Variants in MCF2L2 observed in about 807,000 individuals in gnomAD.
MCF2L2 encodes probable guanine nucleotide exchange factor MCF2L2.
In MCF2L2, 102 loss-of-function variants were observed where a neutral mutation model predicts 150.2. The ratio of observed to expected loss-of-function variants is 0.68; its 90% CI spans 0.58 to 0.80. The LOEUF is 0.80. Ranked by LOEUF, MCF2L2 falls within the 30% of genes least tolerant of loss-of-function variation. The pLI is 0.00. For synonymous variants in MCF2L2, 465 were observed against 491.3 expected, an observed-to-expected ratio of 0.95 and a Z score of 0.71; for missense variants, 1,256 against 1,372.8, an observed-to-expected ratio of 0.91 and a Z score of 1.34.
At chr3:183,319,829 G>T (rs770483840) in intron 6 of MCF2L2, among the ~76,000 whole-genome samples, 5 of 152,174 alleles carry the variant, frequency 3.3e-5, no homozygotes, top group Non-Finnish European at 5.9e-5. Context: ...AGGCTCTGTT[G>T]TTCTATTTCT....
intron 20 of MCF2L2, among the ~76,000 whole-genome samples, chr3:183,220,185 T>C (rs1463648599): frequency 6.6e-6 from 1 of 152,262 alleles, no homozygotes; most frequent in African/African-American, 2.4e-5. Flanking sequence ...TCCCATGATA[T>C]TATGTTTTTC....
rs1721374449 is a variant in MCF2L2, at chr3:183,178,104, A to C, written c.*1276T>G. 1 of 152,222 alleles carries C rather than the reference A, an allele frequency of 6.6e-6. No homozygotes were observed. The allele number at this position is 152,222 out of a possible 1,614,324, so 9.4% of individuals were successfully genotyped here. A position where few individuals can be genotyped will look rare whatever the true frequency, so the allele number is the denominator to read the frequency against. ...TTACTGTAAAAATAAATAACTCAAA[A>C]ACTCCAATAAGATAAAGTGAAATAA... On this transcript the variant is annotated 3_prime_UTR_variant, in exon 30 of 30. Coordinates refer to ENST00000328913, the MANE Select transcript of MCF2L2 (RefSeq NM_015078.4).
intron 1 of MCF2L2, among the ~76,000 whole-genome samples, chr3:183,412,145 A>T (rs898917925): frequency 2.0e-5 from 3 of 152,232 alleles, no homozygotes; most frequent in Admixed American, 1.3e-4. Context: ...CAAGCAAATA[A>T]GAAGCAATCA....
At chr3:183,257,764 CTTA>C (rs140801807) in intron 15 of MCF2L2, among the ~76,000 whole-genome samples, 2,913 of 152,208 alleles carry the variant, frequency 0.019, 86 homozygotes, top group African/African-American at 0.067. Context: ...CCTGGTTTTT[CTTA>C]TTATTATTCA....
At chr3:183,342,201 G>T (rs1307503013) in intron 3 of MCF2L2, among the ~76,000 whole-genome samples, 2 of 152,154 alleles carry the variant, frequency 1.3e-5, no homozygotes, top group Non-Finnish European at 2.9e-5. Flanking sequence ...CCCCTCTCAA[G>T]TCCTCACGAA....
At position 183,206,126 on chromosome 3, in the gene MCF2L2, A is replaced by T; in HGVS notation, c.2801T>A (p.Leu934Gln). The T allele has an allele frequency of 6.2e-7, 1 of 1,613,986 alleles. No individual in the cohort carries two copies. Among genetic ancestry groups the T allele is most frequent in the Non-Finnish European group, 8.5e-7 (1 of 1,179,820 alleles). ...TGGGGAAGGCATGAGCGTTACCTGCAGGATGTATTTCTCAAGTCCATTTCG... is the reference window on the plus strand; with the variant it reads ...TGGGGAAGGCATGAGCGTTACCTGCTGGATGTATTTCTCAAGTCCATTTCG... The part of the protein sequence containing the change: ...ASRNGLEKYI[L>Q]QAASKEIRDC... The change falls in exon 24 of 30, where the codon CTG (leucine) becomes CAG (glutamine). Residue 934 changes from leucine to glutamine, a missense_variant. Transcript: ENST00000328913.
At chr3:183,427,881 A>G in intron 1 of MCF2L2, 21 bp downstream of exon 1, 1 of 1,611,058 alleles carries the variant, frequency 6.2e-7, no homozygotes, top group East Asian at 2.2e-5. Context: ...AAAACGCAGG[A>G]AAAATTAAAG....
chr3:183,255,078 T>C (rs536597716), intron 15 of MCF2L2, among the ~76,000 whole-genome samples: 1 of 152,328 alleles, frequency 6.6e-6, no homozygotes, highest in African/African-American at 2.4e-5. Flanking sequence ...CTCATATTTA[T>C]GGTAATTATC....
chr3:183,322,750 G>A (rs565248303), intron 6 of MCF2L2, among the ~76,000 whole-genome samples: 13 of 152,174 alleles, frequency 8.5e-5, no homozygotes, highest in African/African-American at 1.7e-4. Flanking sequence ...AGTGAGTATC[G>A]TACCCAATAG....
At position 183,216,598 on chromosome 3, in the gene MCF2L2, T is replaced by A. The variant is rs1247313989; in HGVS notation, c.2371-504A>T. 1.7e-3 allele frequency among the ~76,000 whole-genome samples: 43 copies of A among 24,936 alleles called. 1 individual carries two copies. The highest frequency in any genetic ancestry group is 4.0e-3 in the African/African-American group (38 of 9,460). The allele number at this position is 24,936 out of a possible 152,430, so 16.4% of individuals were successfully genotyped here. A position where few individuals can be genotyped will look rare whatever the true frequency, so the allele number is the denominator to read the frequency against. On this transcript the variant is annotated intron_variant, in intron 21 of 29. Coordinates refer to ENST00000328913, the MANE Select transcript of MCF2L2 (RefSeq NM_015078.4). ...TATATATATTTTTTTTTTTTTTTTT[T>A]TTTTTTTTTTTTTTTTTTGAGAGCG...
At chr3:183,213,662 A>C (rs1435485312) in intron 22 of MCF2L2, among the ~76,000 whole-genome samples, 4 of 152,208 alleles carry the variant, frequency 2.6e-5, no homozygotes, top group African/African-American at 9.6e-5. Flanking sequence ...GGCAGTTGTC[A>C]GTCAATTCTA....
intron 11 of MCF2L2, chr3:183,297,680 C>CTCCG (rs1447717225): frequency 1.4e-5 from 1 of 73,312 alleles, no homozygotes; most frequent in Non-Finnish European, 3.0e-5. Context: ...CTTTCTTTCT[C>CTCCG]TCTGTCTCTC....
In MCF2L2 at chr3:183,427,968, A is replaced by G. The variant is rs1716262166; in HGVS notation, c.10T>C (p.Cys4Arg). 1.9e-6 allele frequency: 3 copies of G among 1,613,248 alleles called. No homozygotes were observed. Among genetic ancestry groups the G allele is most frequent in the African/African-American group, 2.7e-5 (2 of 74,978 alleles). MLS[C>R]LKEEMPPQEL... ...TGGGGAGGCATCTCTTCTTTTAAGC[A>G]AGACAGCATTTCACTGAAAAACCAT... Residue 4 changes from cysteine to arginine, a missense_variant, in exon 1 of 30, where the codon TGC becomes CGC. By Grantham distance (180) the Cys-to-Arg change is radical (BLOSUM62 -3). Transcript: ENST00000328913.
At chr3:183,294,863 C>A (rs963909539) in intron 13 of MCF2L2, among the ~76,000 whole-genome samples, 1 of 151,886 alleles carries the variant, frequency 6.6e-6, no homozygotes, top group African/African-American at 2.4e-5. Flanking sequence ...CTCCTGACCT[C>A]GTGATCTGCC....
chr3:183,354,004 T>A (rs762247934), intron 3 of MCF2L2, among the ~76,000 whole-genome samples: 1 of 152,176 alleles, frequency 6.6e-6, no homozygotes, highest in South Asian at 2.1e-4. Context: ...CCCTTCTTCT[T>A]GGCCAAGTGG....
At chr3:183,238,526 C>T (rs1012191499) in intron 15 of MCF2L2, among the ~76,000 whole-genome samples, 6 of 151,424 alleles carry the variant, frequency 4.0e-5, no homozygotes, top group African/African-American at 1.5e-4. Flanking sequence ...ATCTCCTGAC[C>T]TCGTGATCCA....
chr3:183,278,480 A>G (rs1175993599), intron 14 of MCF2L2, among the ~76,000 whole-genome samples: 1 of 152,138 alleles, frequency 6.6e-6, no homozygotes, highest in Non-Finnish European at 1.5e-5. Context: ...CACATTTTCT[A>G]TATAAAGTTG....
At position 183,428,231 on chromosome 3, in the gene MCF2L2, C is replaced by A; in HGVS notation, c.-254G>T. 1 of 469,830 alleles carries A rather than the reference C, an allele frequency of 2.1e-6. No homozygotes were observed. The highest frequency in any genetic ancestry group is 3.7e-6 in the Non-Finnish European group (1 of 266,722). 29.1% of individuals were successfully genotyped at this position (469,830 alleles called of 1,614,324 possible). ...CTGGACCGAGAGAGGAGCGGCCGTT[C>A]TGCAAAAGGAAGCAAGTCGCCAATC... On this transcript the variant is annotated 5_prime_UTR_variant, in exon 1 of 30. Coordinates refer to ENST00000328913, the MANE Select transcript of MCF2L2 (RefSeq NM_015078.4). This position sits in a 1 kb window ranked among gnomAD's most constrained non-coding sequence, Gnocchi z 5.1.
Position 183,305,364 on chromosome 3 carries a change from A to G in MCF2L2, c.1113+4352T>C, listed in dbSNP as rs1729048824. Among the ~76,000 whole-genome samples the G allele has an allele frequency of 6.6e-6, 1 of 152,118 alleles. No homozygotes were observed. Among genetic ancestry groups the G allele is most frequent in the South Asian group, 2.1e-4 (1 of 4,822 alleles). ...AAGTCCAGCTGCCTAATTTATTAAG[A>G]ACAGGGCAGAATTTTCTGGGTCCAG... On this transcript the variant is annotated intron_variant, in intron 10 of 29. Coordinates refer to ENST00000328913, the MANE Select transcript of MCF2L2 (RefSeq NM_015078.4). This position sits in a 1 kb window ranked among gnomAD's most constrained non-coding sequence, Gnocchi z 4.1.
Sources: gnomAD v4.1 joint callset for allele counts (sites outside exome capture counted in the v4.1 genomes callset) on GRCh38, gnomAD v4.1.1 for gene constraint, Gnocchi (gnomAD v3.1) non-coding constraint, MANE v1.5 for transcripts, NCBI Gene and HGNC (gene_info 2026-07-23, HGNC 2026-07-21) for gene names.